The following DSCAML1 variants were observed in gnomAD, a reference collection of about 807,000 sequenced individuals.
DSCAML1 encodes DS cell adhesion molecule like 1.
DSCAML1 carries 38 observed loss-of-function variants against 200.5 expected under a neutral mutation model. The observed-to-expected ratio is 0.19, with a 90% CI of 0.15 to 0.25. DSCAML1 has a LOEUF of 0.25. DSCAML1 is among the 10% of genes least tolerant of loss of function. The pLI is 1.00. For synonymous variants in DSCAML1, 1,215 were observed against 1,165.0 expected, an observed-to-expected ratio of 1.04 and a Z score of -0.87; for missense variants, 2,223 against 2,858.8, an observed-to-expected ratio of 0.78 and a Z score of 5.07.
intron 3 of DSCAML1, among the ~76,000 whole-genome samples, chr11:117,741,513 T>C (rs937034339): frequency 2.6e-5 from 4 of 152,248 alleles, no homozygotes; most frequent in African/African-American, 9.6e-5. Context: ...ATTTAGGGTT[T>C]TTCTATTACA....
At position 117,432,419 on chromosome 11, in the gene DSCAML1, C is replaced by T. The variant is rs1459815396; in HGVS notation, c.5112G>A (p.Leu1704=). 6.2e-7 allele frequency: 1 copy of T among 1,614,008 alleles called. No individual in the cohort carries two copies. Among genetic ancestry groups the T allele is most frequent in the African/African-American group, 1.3e-5 (1 of 74,892 alleles). Reference sequence around the variant, plus strand: ...TGCTCTGGATGAGGGTTGGGTGGTGCAAGGAGACGCCAGTACAGAAGCTCT... The same window carrying T: ...TGCTCTGGATGAGGGTTGGGTGGTGTAAGGAGACGCCAGTACAGAAGCTCT... The part of the protein sequence containing the change: ...NPQSFCTGVS[L]HHPTLIQSTG... The change falls in exon 30 of 33, where the codon TTG becomes TTA. Residue 1704 remains leucine, a synonymous_variant. Coordinates refer to ENST00000651296, the MANE Select transcript of DSCAML1 (RefSeq NM_020693.4).
chr11:117,678,643 A>G (rs1440101720), intron 3 of DSCAML1, among the ~76,000 whole-genome samples: 1 of 152,230 alleles, frequency 6.6e-6, no homozygotes. Context: ...TGAGTGTGCC[A>G]CATGGGTACC....
intron 3 of DSCAML1, among the ~76,000 whole-genome samples, chr11:117,613,119 C>T (rs529523565): frequency 6.1e-4 from 93 of 152,104 alleles, no homozygotes; most frequent in South Asian, 1.9e-3. Context: ...GCTCCCCCCA[C>T]CCCACCTTCT....
chr11:117,443,262 CCCTTGGGATGAGG>C (rs1413401569), intron 21 of DSCAML1, among the ~76,000 whole-genome samples: 1 of 152,168 alleles, frequency 6.6e-6, no homozygotes, highest in Non-Finnish European at 1.5e-5. Flanking sequence ...CTACAGCTTG[CCCTTGGGATGAGG>C]CCTTGGAAGT....
intron 3 of DSCAML1, among the ~76,000 whole-genome samples, chr11:117,650,790 G>T (rs1269338850): frequency 6.6e-6 from 1 of 151,880 alleles, no homozygotes; most frequent in African/African-American, 2.4e-5. Flanking sequence ...GGCTGCTCAG[G>T]ACTCGGCAGC....
intron 3 of DSCAML1, among the ~76,000 whole-genome samples, chr11:117,667,451 C>T (rs565441458): frequency 2.6e-5 from 4 of 152,210 alleles, no homozygotes; most frequent in Non-Finnish European, 4.4e-5. Flanking sequence ...TGGTTCTGCC[C>T]GGGGTCTGAC....
chr11:117,583,433 C>T (rs573150192), intron 3 of DSCAML1, among the ~76,000 whole-genome samples: 250 of 152,164 alleles, frequency 1.6e-3, no homozygotes, highest in Non-Finnish European at 3.1e-3. Flanking sequence ...CATCTCGCTC[C>T]GCAAGAATCC....
At chr11:117,524,056 G>A (rs535996546) in intron 5 of DSCAML1, among the ~76,000 whole-genome samples, 1 of 152,326 alleles carries the variant, frequency 6.6e-6, no homozygotes, top group East Asian at 1.9e-4. Flanking sequence ...TAGGGGGAAA[G>A]GGGTGAGCTG....
intron 1 of DSCAML1, among the ~76,000 whole-genome samples, chr11:117,790,485 C>T (rs4572163): frequency 0.31 from 47,513 of 152,138 alleles, 8,287 homozygotes; most frequent in Non-Finnish European, 0.4. Flanking sequence ...TTGGGGCCCA[C>T]GGAGGGGGAG....
intron 3 of DSCAML1, among the ~76,000 whole-genome samples, chr11:117,615,681 G>C (rs927071904): frequency 5.9e-5 from 9 of 152,098 alleles, no homozygotes; most frequent in Non-Finnish European, 1.0e-4. Flanking sequence ...GGAGAGTGGA[G>C]CTAATTAAGC....
chr11:117,702,906 T>G (rs980194205), intron 3 of DSCAML1, among the ~76,000 whole-genome samples: 2 of 152,238 alleles, frequency 1.3e-5, no homozygotes, highest in Non-Finnish European at 2.9e-5. Context: ...TTCTTGTGGC[T>G]GAATCCTATT....
At position 117,516,618 on chromosome 11, in the gene DSCAML1, C is replaced by G. The variant is rs759980787; in HGVS notation, c.1632G>C (p.Leu544=). ...YSIKWYKDAL[L]LPDNHRQVVF... The stretch of plus-strand genomic sequence containing the variant: ...CCACCTGGCGGTGGTTGTCTGGCAG[C>G]AGCAGGGCATCCTTGTACCACTTGA... Residue 544 remains leucine, a synonymous_variant, in exon 8 of 33, where the codon CTG becomes CTC. Coordinates refer to ENST00000651296, the MANE Select transcript of DSCAML1 (RefSeq NM_020693.4). The surrounding 1 kb of genome is among the most constrained non-coding windows in gnomAD (Gnocchi z 5.7). 1.2e-6 allele frequency: 2 copies of G among 1,614,084 alleles called. No individual in the cohort carries two copies. The highest frequency in any genetic ancestry group is 1.7e-6 in the Non-Finnish European group (2 of 1,180,012).
At chr11:117,617,762 T>G (rs897768969) in intron 3 of DSCAML1, among the ~76,000 whole-genome samples, 1 of 151,120 alleles carries the variant, frequency 6.6e-6, no homozygotes, top group African/African-American at 2.4e-5. Flanking sequence ...TGACCCAGAA[T>G]GAGTCTTTGT....
chr11:117,770,418 A>C (rs1348094415), intron 3 of DSCAML1, among the ~76,000 whole-genome samples: 2 of 152,300 alleles, frequency 1.3e-5, no homozygotes, highest in East Asian at 3.9e-4. Context: ...AGAGAATCAC[A>C]AGAGGAACAC....
intron 3 of DSCAML1, among the ~76,000 whole-genome samples, chr11:117,711,619 T>A (rs557243190): frequency 1.3e-5 from 2 of 152,306 alleles, no homozygotes; most frequent in South Asian, 4.1e-4. Context: ...ACACTCATGG[T>A]GTGCTGAAAC....
intron 1 of DSCAML1, among the ~76,000 whole-genome samples, chr11:117,807,285 C>G (rs1230588896): frequency 2.0e-5 from 3 of 152,246 alleles, no homozygotes; most frequent in African/African-American, 7.2e-5. Context: ...ATGTGGTGGT[C>G]TGCCTGGTGG....
Position 117,461,540 on chromosome 11 carries a change from C to T in DSCAML1, c.3322G>A (p.Val1108Ile), listed in dbSNP as rs778157183. The change falls in exon 18 of 33, where the codon GTC becomes ATC. Residue 1108 changes from valine to isoleucine, a missense_variant. Val to Ile is a conservative substitution (Grantham distance 29). Coordinates refer to ENST00000651296, the MANE Select transcript of DSCAML1 (RefSeq NM_020693.4). ...CGCGGGGGCTCTGACCAGGAGATGA[C>T]GGCCACGTCAGAAGTGATGGACAGG... is the stretch of plus-strand genomic sequence containing the variant. ...RALSITSDVA[V>I]ISWSEPPRST... 4.3e-5 allele frequency: 69 copies of T among 1,613,986 alleles called. 1 individual carries two copies. The highest frequency in any genetic ancestry group is 3.3e-4 in the Middle Eastern group (2 of 6,084).
intron 3 of DSCAML1, chr11:117,709,672 C>T: frequency 2.2e-6 from 1 of 455,366 alleles, no homozygotes. Context: ...ACTCCCACCT[C>T]CAGCCTCTTC....
chr11:117,593,159 G>GC (rs1186372650), intron 3 of DSCAML1, among the ~76,000 whole-genome samples: 2 of 152,248 alleles, frequency 1.3e-5, no homozygotes, highest in African/African-American at 2.4e-5. Context: ...CATCCCCTGG[G>GC]CCCACGTGTC....
Sources: allele counts gnomAD v4.1 joint callset (sites outside exome capture counted in the v4.1 genomes callset), GRCh38; gene constraint gnomAD v4.1.1; non-coding constraint Gnocchi (gnomAD v3.1); transcripts MANE v1.5; gene names NCBI Gene and HGNC (gene_info 2026-07-23, HGNC 2026-07-21).